Variants in CCDC85C observed in about 807,000 individuals in gnomAD.
The protein encoded by CCDC85C is coiled-coil domain containing 85C.
Under a neutral mutation model 38.3 loss-of-function variants are expected in CCDC85C, and 18 were observed. That is an observed-to-expected ratio of 0.47 (90% CI 0.33 to 0.70). The LOEUF is 0.70. Ranked by LOEUF, CCDC85C falls within the 30% of genes least tolerant of loss-of-function variation. CCDC85C has a pLI of 0.03. For missense variants in CCDC85C, 566 were observed against 621.2 expected, an observed-to-expected ratio of 0.91 and a Z score of 0.94; for synonymous variants, 264 against 293.8, an observed-to-expected ratio of 0.90 and a Z score of 1.04.
chr14:99,562,028 C>T (rs1358697398), intron 1 of CCDC85C, among the ~76,000 whole-genome samples: 2 of 152,172 alleles, frequency 1.3e-5, no homozygotes, highest in African/African-American at 4.8e-5. Context: ...CACCTGCTTC[C>T]TTCAGCTCCA....
At chr14:99,519,907 G>C (rs1897279422) in intron 3 of CCDC85C, among the ~76,000 whole-genome samples, 1 of 152,218 alleles carries the variant, frequency 6.6e-6, no homozygotes, top group African/African-American at 2.4e-5. Context: ...CTGGGAGGAA[G>C]GGGGACGGGA....
intron 1 of CCDC85C, among the ~76,000 whole-genome samples, chr14:99,550,846 G>A (rs1044953118): frequency 3.9e-5 from 6 of 152,156 alleles, no homozygotes; most frequent in Admixed American, 1.3e-4. Flanking sequence ...TGGGGACAGC[G>A]GTACCATAAC....
At chr14:99,524,735 G>A (rs1897351199) in intron 2 of CCDC85C, among the ~76,000 whole-genome samples, 1 of 152,236 alleles carries the variant, frequency 6.6e-6, no homozygotes, top group Admixed American at 6.5e-5. Context: ...TTTCCCCGAG[G>A]AGGGGAAGCA....
Position 99,510,847 on chromosome 14 carries a change from A to C in CCDC85C, c.*4399T>G. On this transcript the variant is annotated 3_prime_UTR_variant, in exon 6 of 6. Transcript: ENST00000380243. Reference sequence around the variant, plus strand: ...TTCTAATCGACTTGCAGAGTAGTTGAAGTGGGTAAGCAGCAGGGTACCTTG... The same window carrying C: ...TTCTAATCGACTTGCAGAGTAGTTGCAGTGGGTAAGCAGCAGGGTACCTTG... 1 of 1,315,084 alleles carries C rather than the reference A, an allele frequency of 7.6e-7. No individual in the cohort carries two copies. The highest frequency in any genetic ancestry group is 9.9e-7 in the Non-Finnish European group (1 of 1,012,222). 81.5% of individuals were successfully genotyped at this position (1,315,084 alleles called of 1,614,324 possible).
Position 99,603,663 on chromosome 14 carries a change from G to A in CCDC85C, c.297C>T (p.Arg99=), listed in dbSNP as rs1181379461. 1 of 1,490,300 alleles carries A rather than the reference G, an allele frequency of 6.7e-7. No homozygotes were observed. 92.3% of individuals were successfully genotyped at this position (1,490,300 alleles called of 1,614,324 possible). Reference sequence around the variant, plus strand: ...AGCGCTGCCACTCGCGCGCCAGCTTGCGCCCCTTCTGCCGGTCGTCGTCGA... The same window carrying A: ...AGCGCTGCCACTCGCGCGCCAGCTTACGCCCCTTCTGCCGGTCGTCGTCGA... ...CFLDDDRQKG[R]KLAREWQRFG... The change falls in exon 1 of 6, where the codon CGC becomes CGT. Residue 99 remains arginine (R), a synonymous_variant. Transcript: ENST00000380243. This position sits in a 1 kb window ranked among gnomAD's most constrained non-coding sequence, Gnocchi z 7.5.
At position 99,603,611 on chromosome 14, in the gene CCDC85C, A is replaced by C; in HGVS notation, c.349T>G (p.Trp117Gly). Residue 117 changes from tryptophan to glycine, a missense_variant, in exon 1 of 6, where the codon TGG (tryptophan) becomes GGG (glycine). Physicochemically the swap from Trp to Gly is radical, Grantham distance 184. Around this residue, in one of 3 missense-constraint regions of CCDC85C, gnomAD observed 269 missense variants for 308.2 expected, o/e 0.87. Transcript: ENST00000380243. The surrounding 1 kb of genome is among the most constrained non-coding windows in gnomAD (Gnocchi z 7.5). ...TGCTGCGAGCGGGCCACCTCGTGCC[A>C]CACGGCGCCGGCCGCGTGGCGCCCG... ...RFGRHAAGAV[W>G]HEVARSQQKL... 1 of 1,456,856 alleles carries C rather than the reference A, an allele frequency of 6.9e-7. No homozygotes were observed. The highest frequency in any genetic ancestry group is 9.0e-7 in the Non-Finnish European group (1 of 1,107,518). The allele number at this position is 1,456,856 out of a possible 1,614,324, so 90.2% of individuals were successfully genotyped here. A position where few individuals can be genotyped will look rare whatever the true frequency, so the allele number is the denominator to read the frequency against.
chr14:99,554,946 A>G (rs1486415288), intron 1 of CCDC85C, among the ~76,000 whole-genome samples: 1 of 152,242 alleles, frequency 6.6e-6, no homozygotes, highest in Non-Finnish European at 1.5e-5. Context: ...GCACAGATGG[A>G]CATAGGCCCA....
chr14:99,502,612 A>G lies in CCDC85C; in HGVS notation c.*12634T>C. 1 of 1,246,446 alleles carries G rather than the reference A, an allele frequency of 8.0e-7. No homozygotes were observed. The highest frequency in any genetic ancestry group is 1.1e-6 in the Non-Finnish European group (1 of 887,604). 77.2% of individuals were successfully genotyped at this position (1,246,446 alleles called of 1,614,324 possible). ...GAAGATGGGGTGAGTTGTAAATGTG[A>G]TTCATGCTTAGGTCCTCGTAGGGGT... On this transcript the variant is annotated 3_prime_UTR_variant, in exon 6 of 6. Coordinates refer to ENST00000380243, the MANE Select transcript of CCDC85C (RefSeq NM_001144995.2).
chr14:99,519,650 C>A (rs562969281), intron 3 of CCDC85C, among the ~76,000 whole-genome samples: 121 of 152,204 alleles, frequency 7.9e-4, no homozygotes, highest in Non-Finnish European at 1.6e-4. Context: ...AACATGGAAA[C>A]GATCCAAATG....
chr14:99,503,712 A>C lies in CCDC85C; in HGVS notation c.*11534T>G. 5.2e-6 allele frequency: 7 copies of C among 1,358,650 alleles called. No homozygotes were observed. Among genetic ancestry groups the C allele is most frequent in the Non-Finnish European group, 7.1e-6 (7 of 983,810 alleles). The allele number at this position is 1,358,650 out of a possible 1,614,324, so 84.2% of individuals were successfully genotyped here. On this transcript the variant is annotated 3_prime_UTR_variant, in exon 6 of 6. Coordinates refer to ENST00000380243, the MANE Select transcript of CCDC85C (RefSeq NM_001144995.2). ...ATGCAAAACTTTAAATTCTTAGCCA[A>C]CATTGTTTCTTTTCAGATCTAAATT...
Position 99,504,927 on chromosome 14 carries a change from G to C in CCDC85C, c.*10319C>G, listed in dbSNP as rs1048038036. ...GTTGCATTTGAGCAGCGAGAGCAGA[G>C]GGGGAGGATGGAGCAATAAGTTGGA... On this transcript the variant is annotated 3_prime_UTR_variant, in exon 6 of 6. Transcript: ENST00000380243. 1 of 152,304 alleles carries C rather than the reference G, an allele frequency of 6.6e-6. No individual in the cohort carries two copies. The highest frequency in any genetic ancestry group is 2.4e-5 in the African/African-American group (1 of 41,442). 9.4% of individuals were successfully genotyped at this position (152,304 alleles called of 1,614,324 possible).
At chr14:99,575,368 A>G (rs1010346779) in intron 1 of CCDC85C, among the ~76,000 whole-genome samples, 8 of 152,144 alleles carry the variant, frequency 5.3e-5, no homozygotes, top group Non-Finnish European at 1.2e-4. Context: ...ACTGTCTACC[A>G]TCCAGAGCTC....
rs955780457 is a variant in CCDC85C at position 99,509,338 on chromosome 14, C to T, written c.*5908G>A. Reference sequence around the variant, plus strand: ...CATTTTCCAGTGGTCTGACGGTGACCCGGGATCACAGGCCAAAACATGTTA... The same window carrying T: ...CATTTTCCAGTGGTCTGACGGTGACTCGGGATCACAGGCCAAAACATGTTA... On this transcript the variant is annotated 3_prime_UTR_variant, in exon 6 of 6. Transcript: ENST00000380243. 1 of 152,198 alleles carries T rather than the reference C, an allele frequency of 6.6e-6. No individual in the cohort carries two copies. The highest frequency in any genetic ancestry group is 2.4e-5 in the African/African-American group (1 of 41,408). 9.4% of individuals were successfully genotyped at this position (152,198 alleles called of 1,614,324 possible).
chr14:99,593,519 G>A (rs2055110576), intron 1 of CCDC85C, among the ~76,000 whole-genome samples: 1 of 152,214 alleles, frequency 6.6e-6, no homozygotes, highest in Non-Finnish European at 1.5e-5. Context: ...GGAGGTAGGG[G>A]TGCAAGCCAG....
At position 99,572,413 on chromosome 14, in the gene CCDC85C, A is replaced by G. The variant is rs1335643477; in HGVS notation, c.793+30754T>C. Among the ~76,000 whole-genome samples, 2 of 127,032 alleles carry G rather than the reference A, an allele frequency of 1.6e-5. No individual in the cohort carries two copies. The highest frequency in any genetic ancestry group is 3.3e-5 in the Non-Finnish European group (2 of 60,334). 83.3% of individuals were successfully genotyped at this position (127,032 alleles called of 152,430 possible). ...GTCTCAGCCTGCAATCCCGGCTCCC[A>G]CCCCCACCCCAAGGCCCTGCTCCAC... On this transcript the variant is annotated intron_variant, in intron 1 of 5. Transcript: ENST00000380243. The surrounding 1 kb of genome is among the most constrained non-coding windows in gnomAD (Gnocchi z 4.4).
At chr14:99,531,350 C>A (rs945797840) in intron 2 of CCDC85C, among the ~76,000 whole-genome samples, 5 of 152,074 alleles carry the variant, frequency 3.3e-5, no homozygotes, top group Non-Finnish European at 5.9e-5. Flanking sequence ...GAGGCCCCAG[C>A]GTCAATTACA....
intron 1 of CCDC85C, among the ~76,000 whole-genome samples, chr14:99,591,144 A>T (rs1487546458): frequency 6.6e-6 from 1 of 152,172 alleles, no homozygotes; most frequent in Non-Finnish European, 1.5e-5. Flanking sequence ...CCGATGTCCA[A>T]TCTGTCCCCA....
At chr14:99,554,059 G>T (rs1897965625) in intron 1 of CCDC85C, among the ~76,000 whole-genome samples, 1 of 152,148 alleles carries the variant, frequency 6.6e-6, no homozygotes, top group African/African-American at 2.4e-5. Context: ...CCGCCACCCA[G>T]TGTGGTCGGC....
chr14:99,502,284 G>C lies in CCDC85C; in HGVS notation c.*12962C>G. 6.2e-7 allele frequency: 1 copy of C among 1,611,404 alleles called. No homozygotes were observed. The highest frequency in any genetic ancestry group is 8.5e-7 in the Non-Finnish European group (1 of 1,178,814). ...GTGATGTATCTCGCAGGACGTTTGT[G>C]CAAATTTGAAATACAAGAATGGACC... On this transcript the variant is annotated 3_prime_UTR_variant, in exon 6 of 6. Transcript: ENST00000380243.
Sources: allele counts gnomAD v4.1 joint callset (sites outside exome capture counted in the v4.1 genomes callset), GRCh38; gene constraint gnomAD v4.1.1; regional missense constraint gnomAD v4.1.1; non-coding constraint Gnocchi (gnomAD v3.1); transcripts MANE v1.5; gene names NCBI Gene and HGNC (gene_info 2026-07-23, HGNC 2026-07-21).